Variants in WWOX observed in about 807,000 individuals in gnomAD.
The protein encoded by WWOX is WW domain-containing oxidoreductase.
WWOX carries 69 observed loss-of-function variants against 46.2 expected under a neutral mutation model. The ratio of observed to expected loss-of-function variants is 1.49; its 90% confidence interval spans 1.23 to 1.82. WWOX has a LOEUF of 1.82. WWOX is among the 40% of genes most tolerant of loss of function. The pLI is 0.00. For missense variants in WWOX, 919 were observed against 542.6 expected (o/e 1.69, Z -6.89); for synonymous variants, 359 against 202.6 (o/e 1.77, Z -6.56).
chr16:78,480,187 A>T (rs2084452893), intron 8 of WWOX, among the ~76,000 whole-genome samples: 1 of 152,186 alleles, frequency 6.6e-6, no homozygotes, highest in Non-Finnish European at 1.5e-5. Context: ...CTGAAATAGC[A>T]GCCACATTTC....
chr16:78,489,713 A>G lies in WWOX; in HGVS notation c.1056+56961A>G, dbSNP rs186870480. On this transcript the variant is annotated intron_variant, in intron 8 of 8. Coordinates refer to ENST00000566780, the MANE Select transcript of WWOX (RefSeq NM_016373.4). Reference sequence around the variant, plus strand: ...GGCGCCTGAGCTGGGCCCTGGCATGATGGCAAGATGCCGTTCTGGGTTCAC... The same window carrying G: ...GGCGCCTGAGCTGGGCCCTGGCATGGTGGCAAGATGCCGTTCTGGGTTCAC... Among the ~76,000 whole-genome samples, 3 of 152,232 alleles carry G rather than the reference A, an allele frequency of 2.0e-5. No homozygotes were observed. In the South Asian group the frequency reaches 6.2e-4, roughly 32 times the overall value.
At chr16:78,852,095 A>G (rs1313409349) in intron 8 of WWOX, among the ~76,000 whole-genome samples, 1 of 152,144 alleles carries the variant, frequency 6.6e-6, no homozygotes, top group East Asian at 1.9e-4. Flanking sequence ...CTCTCATCTC[A>G]TTCATTTTGA....
chr16:78,533,779 G>GC (rs1278859513), intron 8 of WWOX, among the ~76,000 whole-genome samples: 1 of 151,978 alleles, frequency 6.6e-6, no homozygotes, highest in African/African-American at 2.4e-5. Context: ...GAAGTTGTAG[G>GC]CCCCTCCCGA....
At chr16:78,375,299 C>T (rs1427642011) in intron 5 of WWOX, among the ~76,000 whole-genome samples, 1 of 152,254 alleles carries the variant, frequency 6.6e-6, no homozygotes, top group Admixed American at 6.5e-5. Flanking sequence ...GGCCGGCATT[C>T]AGCCAAACAG....
intron 8 of WWOX, among the ~76,000 whole-genome samples, chr16:78,782,289 C>G (rs575601042): frequency 4.6e-4 from 70 of 152,310 alleles, no homozygotes; most frequent in East Asian, 1.4e-3. Context: ...TTCAGCTGCA[C>G]GAGCTTTTTC....
chr16:78,209,624 A>G (rs1040382725), intron 5 of WWOX, among the ~76,000 whole-genome samples: 3 of 152,078 alleles, frequency 2.0e-5, no homozygotes, highest in Non-Finnish European at 4.4e-5. Context: ...TTCCATCCAG[A>G]GAGAGAGTAT....
intron 8 of WWOX, among the ~76,000 whole-genome samples, chr16:79,036,341 G>A (rs2047866034): frequency 6.6e-6 from 1 of 152,164 alleles, no homozygotes; most frequent in Admixed American, 6.5e-5. Context: ...CACTCTTCCT[G>A]CATTCATTAG....
chr16:78,874,690 T>TC (rs1555555506), intron 8 of WWOX, among the ~76,000 whole-genome samples: 3 of 137,594 alleles, frequency 2.2e-5, no homozygotes, highest in Non-Finnish European at 4.6e-5. Context: ...TTTTCTTTTT[T>TC]TTTTTTTTTT....
chr16:79,107,558 A>C (rs1463195818), intron 8 of WWOX, among the ~76,000 whole-genome samples: 2 of 152,326 alleles, frequency 1.3e-5, no homozygotes, highest in Admixed American at 6.5e-5. Context: ...GGATAGCCCA[A>C]AGACCAGCCT....
At chr16:78,591,921 T>C (rs2045361521) in intron 8 of WWOX, among the ~76,000 whole-genome samples, 1 of 152,212 alleles carries the variant, frequency 6.6e-6, no homozygotes, top group Non-Finnish European at 1.5e-5. Flanking sequence ...CCACTCTCTG[T>C]ACAGATGCGC....
chr16:79,179,322 A>T (rs28690342), intron 8 of WWOX, among the ~76,000 whole-genome samples: 1,616 of 152,304 alleles, frequency 0.011, 26 homozygotes, highest in African/African-American at 0.036. Flanking sequence ...TTTCCTCTGA[A>T]ACCAGCCATG....
intron 8 of WWOX, among the ~76,000 whole-genome samples, chr16:79,159,240 C>G (rs2050439049): frequency 6.6e-6 from 1 of 152,170 alleles, no homozygotes; most frequent in Non-Finnish European, 1.5e-5. Context: ...CCTCTGAAAC[C>G]CTCACTCCCA....
chr16:79,105,643 A>G (rs1298246977), intron 8 of WWOX, among the ~76,000 whole-genome samples: 1 of 151,702 alleles, frequency 6.6e-6, no homozygotes, highest in Non-Finnish European at 1.5e-5. Flanking sequence ...TTTATAGAAT[A>G]CTGTGAATGT....
chr16:78,127,529 A>C (rs1488889585), intron 4 of WWOX, among the ~76,000 whole-genome samples: 15 of 150,840 alleles, frequency 9.9e-5, no homozygotes, highest in Non-Finnish European at 1.9e-4. Context: ...AAAAAAAAAA[A>C]CCACCGAGAC....
Position 78,626,512 on chromosome 16 carries a change from T to G in WWOX, c.1056+193760T>G, listed in dbSNP as rs2046315449. Among the ~76,000 whole-genome samples the G allele has an allele frequency of 2.6e-5, 4 of 152,232 alleles. No homozygotes were observed. The South Asian group carries it at 8.3e-4, about 32-fold the overall frequency. On this transcript the variant is annotated intron_variant, in intron 8 of 8. Transcript: ENST00000566780. ...ATTTCAGGGAGGAAGACCCCAGAGG[T>G]CTGTTTTCATCACATCGTATCAAGC...
chr16:78,585,576 C>G (rs180789492), intron 8 of WWOX, among the ~76,000 whole-genome samples: 10 of 152,252 alleles, frequency 6.6e-5, no homozygotes. Context: ...TATAGTGGCT[C>G]CACCAGGACC....
At chr16:78,688,451 C>T (rs938280835) in intron 8 of WWOX, among the ~76,000 whole-genome samples, 2 of 151,592 alleles carry the variant, frequency 1.3e-5, no homozygotes, top group Non-Finnish European at 2.9e-5. Flanking sequence ...TTCTATTTTT[C>T]CTCTCTCTAT....
chr16:78,612,152 A>G (rs1354781997), intron 8 of WWOX, among the ~76,000 whole-genome samples: 1 of 152,262 alleles, frequency 6.6e-6, no homozygotes, highest in Non-Finnish European at 1.5e-5. Context: ...ATTTGCTTAC[A>G]GCACAGTGAG....
intron 8 of WWOX, among the ~76,000 whole-genome samples, chr16:79,145,297 A>T (rs2050164291): frequency 6.6e-6 from 1 of 152,186 alleles, no homozygotes; most frequent in African/African-American, 2.4e-5. Context: ...CAACCAACCA[A>T]CGAAACAGCA....
Sources: allele counts gnomAD v4.1 joint callset (sites outside exome capture counted in the v4.1 genomes callset), GRCh38; gene constraint gnomAD v4.1.1; transcripts MANE v1.5; gene names NCBI Gene and HGNC (gene_info 2026-07-23, HGNC 2026-07-21).